NEK10: variants seen among roughly 807,000 people sequenced by gnomAD.
NEK10 encodes serine/threonine-protein kinase Nek10.
NEK10 carries 122 observed loss-of-function variants against 159.8 expected under a neutral mutation model. The ratio of observed to expected loss-of-function variants is 0.76; its 90% CI spans 0.66 to 0.89. The LOEUF is 0.89. Among genes scored for constraint, NEK10 ranks in the 40% least tolerant of loss-of-function variants. The pLI, the probability that NEK10 is intolerant of heterozygous loss-of-function variation, is 0.00. For synonymous variants in NEK10, 466 were observed against 457.1 expected, an observed-to-expected ratio of 1.02 and a Z score of -0.25; for missense variants, 1,342 against 1,323.1, an observed-to-expected ratio of 1.01 and a Z score of -0.22.
intron 13 of NEK10, among the ~76,000 whole-genome samples, chr3:27,299,339 G>A: frequency 6.6e-6 from 1 of 152,228 alleles, no homozygotes; most frequent in Non-Finnish European, 1.5e-5. Context: ...GTGGTGTTGA[G>A]TCTGCTTGTA....
chr3:27,308,108 A>G (rs1444126748), intron 10 of NEK10, among the ~76,000 whole-genome samples, 163 bp from the exon 11 acceptor site: 1 of 152,234 alleles, frequency 6.6e-6, no homozygotes, highest in African/African-American at 2.4e-5. Flanking sequence ...AGGCCTCAGG[A>G]AACTTACAGT....
At chr3:27,211,874 T>C (rs1227691079) in intron 23 of NEK10, among the ~76,000 whole-genome samples, 1 of 152,238 alleles carries the variant, frequency 6.6e-6, no homozygotes, top group Admixed American at 6.5e-5. Flanking sequence ...GACTATTTTT[T>C]AAAATAACAT....
At position 27,111,076 on chromosome 3, in the gene NEK10, A is replaced by T. The variant is rs1044268759; in HGVS notation, c.*196T>A. On this transcript the variant is annotated 3_prime_UTR_variant, in exon 36 of 36. Coordinates refer to ENST00000691995, the MANE Select transcript of NEK10 (RefSeq NM_001394966.1). The stretch of plus-strand genomic sequence containing the variant: ...ATCCTGTATATAATGTGTTCTGGCA[A>T]TGAAGCCCTCAAGTACCGCAGCTGT... 4 of 428,948 alleles carry T rather than the reference A, an allele frequency of 9.3e-6. No individual in the cohort carries two copies. Among genetic ancestry groups the T allele is most frequent in the Non-Finnish European group, 1.2e-5 (3 of 240,832 alleles). 26.6% of individuals were successfully genotyped at this position (428,948 alleles called of 1,614,324 possible).
chr3:27,122,103 C>A (rs1432979165), intron 32 of NEK10, among the ~76,000 whole-genome samples: 1 of 152,066 alleles, frequency 6.6e-6, no homozygotes. Flanking sequence ...CCATTTTTAT[C>A]AGTGATAACT....
At chr3:27,327,242 C>G (rs912412944) in intron 5 of NEK10, among the ~76,000 whole-genome samples, 3 of 151,908 alleles carry the variant, frequency 2.0e-5, no homozygotes, top group Non-Finnish European at 2.9e-5. Context: ...AATATGGGAA[C>G]AGTAGCATTC....
At chr3:27,124,203 G>GA (rs1275308187) in intron 32 of NEK10, among the ~76,000 whole-genome samples, 2 of 152,064 alleles carry the variant, frequency 1.3e-5, no homozygotes, top group Non-Finnish European at 2.9e-5. Flanking sequence ...CAGAAAACAG[G>GA]AATCTACTAA....
chr3:27,358,317 T>C (rs1010102430), intron 1 of NEK10, among the ~76,000 whole-genome samples: 1 of 152,236 alleles, frequency 6.6e-6, no homozygotes, highest in Non-Finnish European at 1.5e-5. Flanking sequence ...TCATGGGACC[T>C]GAATACCATC....
intron 29 of NEK10, among the ~76,000 whole-genome samples, chr3:27,163,630 G>A (rs1229404112): frequency 6.6e-6 from 1 of 152,140 alleles, no homozygotes; most frequent in South Asian, 2.1e-4. Context: ...GGGATTACAG[G>A]TGTGAGCCAC....
At chr3:27,126,829 C>T (rs1224422567) in intron 32 of NEK10, among the ~76,000 whole-genome samples, 3 of 151,960 alleles carry the variant, frequency 2.0e-5, no homozygotes, top group African/African-American at 7.2e-5. Context: ...TGTCTTAGTG[C>T]AAATTAGAAA....
At chr3:27,215,151 A>G (rs969917249) in intron 23 of NEK10, 2 of 339,308 alleles carry the variant, frequency 5.9e-6, no homozygotes, top group Non-Finnish European at 1.1e-5. Context: ...TAACACCATC[A>G]AAATTAGTCT....
At chr3:27,188,023 A>C (rs1948776474) in intron 26 of NEK10, among the ~76,000 whole-genome samples, 1 of 152,222 alleles carries the variant, frequency 6.6e-6, no homozygotes, top group Non-Finnish European at 1.5e-5. Context: ...AACTTGGACA[A>C]GTCTTTTAAC....
rs148108867 is a variant in NEK10, at chr3:27,301,254, C to A, written c.1168+442G>T. Among the ~76,000 whole-genome samples the A allele has an allele frequency of 3.0e-3, 459 of 152,300 alleles. 1 individual carries two copies. Among genetic ancestry groups the A allele is most frequent in the African/African-American group, 0.011 (445 of 41,570 alleles). On this transcript the variant is annotated intron_variant, in intron 13 of 35. Coordinates refer to ENST00000691995, the MANE Select transcript of NEK10 (RefSeq NM_001394966.1). ...CCTAGACAGGGCAGCATCTTTCAGTCTTCTCTTTGGAGCTCAAGAAGCATG... is the reference window on the plus strand; with the variant it reads ...CCTAGACAGGGCAGCATCTTTCAGTATTCTCTTTGGAGCTCAAGAAGCATG...
chr3:27,287,417 T>A (rs895121436), intron 20 of NEK10, among the ~76,000 whole-genome samples: 1 of 152,252 alleles, frequency 6.6e-6, no homozygotes, highest in Non-Finnish European at 1.5e-5. Context: ...TCCTTGATCC[T>A]ATTAAGTGAT....
intron 29 of NEK10, among the ~76,000 whole-genome samples, chr3:27,163,115 C>A (rs201435544): frequency 6.6e-6 from 1 of 151,410 alleles, no homozygotes; most frequent in Non-Finnish European, 1.5e-5. Context: ...ATTAAAAAAA[C>A]AAAAAAAACC....
intron 22 of NEK10, among the ~76,000 whole-genome samples, chr3:27,260,681 C>G (rs2040328890): frequency 6.6e-6 from 1 of 152,020 alleles, no homozygotes; most frequent in Non-Finnish European, 1.5e-5. Context: ...CTAAAATTCT[C>G]TTTTTTGGTT....
At chr3:27,261,520 T>C (rs566517716) in intron 22 of NEK10, among the ~76,000 whole-genome samples, 3 of 152,338 alleles carry the variant, frequency 2.0e-5, no homozygotes, top group African/African-American at 7.2e-5. Flanking sequence ...AGTTTCCATG[T>C]AGTTGAGAGG....
At chr3:27,266,438 C>A (rs1395593449) in intron 22 of NEK10, among the ~76,000 whole-genome samples, 1 of 151,822 alleles carries the variant, frequency 6.6e-6, no homozygotes, top group Non-Finnish European at 1.5e-5. Flanking sequence ...GGAAATAGTC[C>A]CTTCCTCTCT....
intron 12 of NEK10, among the ~76,000 whole-genome samples, chr3:27,303,553 G>T (rs2043998623): frequency 6.6e-6 from 1 of 152,114 alleles, no homozygotes; most frequent in South Asian, 2.1e-4. Flanking sequence ...ACTAATGAAT[G>T]ACTTATAATT....
At chr3:27,162,475 T>C (rs1178393039) in intron 30 of NEK10, 3 of 1,614,108 alleles carry the variant, frequency 1.9e-6, no homozygotes, top group Non-Finnish European at 2.5e-6. Flanking sequence ...ATCTTTGAGA[T>C]TTCGAAGAAT....
Sources: gnomAD v4.1 joint callset for allele counts (sites outside exome capture counted in the v4.1 genomes callset) on GRCh38, gnomAD v4.1.1 for gene constraint, MANE v1.5 for transcripts, NCBI Gene and HGNC (gene_info 2026-07-23, HGNC 2026-07-21) for gene names.